Variants in PTPRD observed in about 807,000 individuals in gnomAD.
PTPRD encodes protein tyrosine phosphatase receptor type D, also known as receptor-type tyrosine-protein phosphatase delta.
In PTPRD, 34 loss-of-function variants were observed where a neutral mutation model predicts 214.5. The observed-to-expected ratio is 0.16, with a 90% CI of 0.12 to 0.21. PTPRD has a LOEUF of 0.21. Ranked by LOEUF, PTPRD falls within the 10% of genes least tolerant of loss-of-function variation. The pLI is 1.00. For missense variants in PTPRD, 2,545 were observed against 2,398.7 expected (o/e 1.06, Z -1.27); for synonymous variants, 1,128 against 845.7 (o/e 1.33, Z -5.79).
At chr9:10,523,670 G>A (rs1266122143) in intron 2 of PTPRD, among the ~76,000 whole-genome samples, 3 of 146,784 alleles carry the variant, frequency 2.0e-5, no homozygotes, top group Admixed American at 6.9e-5. Context: ...TAAAGAGAGA[G>A]AGAGAGAGAG....
chr9:8,632,964 T>G (rs548004708), intron 14 of PTPRD, among the ~76,000 whole-genome samples: 1 of 152,102 alleles, frequency 6.6e-6, no homozygotes, highest in Non-Finnish European at 1.5e-5. Flanking sequence ...GTAAAAAACG[T>G]AGCTGCTGAA....
intron 5 of PTPRD, among the ~76,000 whole-genome samples, chr9:9,769,203 G>T (rs1460998795): frequency 1.3e-5 from 2 of 151,784 alleles, no homozygotes; most frequent in Non-Finnish European, 2.9e-5. Flanking sequence ...AGCTTACAGG[G>T]TGGACGATAT....
At chr9:10,542,671 G>A (rs1288300242) in intron 2 of PTPRD, among the ~76,000 whole-genome samples, 1 of 151,846 alleles carries the variant, frequency 6.6e-6, no homozygotes, top group East Asian at 1.9e-4. Context: ...GTGAAATATT[G>A]TAGCTGGAAA....
intron 12 of PTPRD, among the ~76,000 whole-genome samples, chr9:8,683,064 C>T (rs538875819): frequency 3.3e-5 from 5 of 152,226 alleles, no homozygotes; most frequent in South Asian, 4.1e-4. Context: ...AATAGGTCCA[C>T]ATGATTTTCC....
intron 3 of PTPRD, among the ~76,000 whole-genome samples, chr9:10,298,726 G>A (rs1222492690): frequency 6.6e-6 from 1 of 151,768 alleles, no homozygotes; most frequent in African/African-American, 2.4e-5. Flanking sequence ...ATTTAGCACA[G>A]TCTGAAAGAC....
At chr9:9,787,155 T>A (rs1461881067) in intron 5 of PTPRD, among the ~76,000 whole-genome samples, 1 of 145,986 alleles carries the variant, frequency 6.8e-6, no homozygotes, top group African/African-American at 2.6e-5. Flanking sequence ...AAAAAAAAAA[T>A]ACATAAAAAT....
chr9:9,314,054 T>G (rs1960949704), intron 9 of PTPRD, among the ~76,000 whole-genome samples: 1 of 152,144 alleles, frequency 6.6e-6, no homozygotes, highest in African/African-American at 2.4e-5. Context: ...AATTGTTTAT[T>G]TCTCAACATT....
chr9:10,561,887 C>T (rs2064071720), intron 2 of PTPRD, among the ~76,000 whole-genome samples: 1 of 152,156 alleles, frequency 6.6e-6, no homozygotes, highest in South Asian at 2.1e-4. Context: ...ATAATAAAAT[C>T]CTCTGGCTTA....
chr9:8,605,411 C>T (rs1221170276), intron 14 of PTPRD, among the ~76,000 whole-genome samples: 1 of 152,144 alleles, frequency 6.6e-6, no homozygotes, highest in Admixed American at 6.5e-5. Context: ...CCATTTTCTA[C>T]CTCACCAAAA....
At chr9:8,476,662 A>C (rs1265751466) in intron 30 of PTPRD, among the ~76,000 whole-genome samples, 4 of 152,122 alleles carry the variant, frequency 2.6e-5, no homozygotes, top group African/African-American at 9.7e-5. Context: ...TTTCTTATAC[A>C]ACAAATTTAT....
intron 3 of PTPRD, among the ~76,000 whole-genome samples, chr9:10,331,573 T>G (rs1442124534): frequency 1.3e-5 from 2 of 151,802 alleles, no homozygotes; most frequent in Non-Finnish European, 2.9e-5. Context: ...CAGTCAGAGT[T>G]GCATCTGCTT....
intron 3 of PTPRD, among the ~76,000 whole-genome samples, chr9:10,176,524 C>T (rs1455768420): frequency 6.6e-6 from 1 of 151,888 alleles, no homozygotes; most frequent in Non-Finnish European, 1.5e-5. Flanking sequence ...TCCATGCAGG[C>T]AGAGATAAAT....
At position 8,437,288 on chromosome 9, in the gene PTPRD, C is replaced by CAAA. The variant is rs201564000; in HGVS notation, c.3989-602_3989-600dup. 2.2e-3 allele frequency: 2,908 copies of CAAA among 1,294,928 alleles called. 4 individuals are homozygous for CAAA. Among genetic ancestry groups the CAAA allele is most frequent in the South Asian group, 9.1e-3 (608 of 66,460 alleles). The allele number at this position is 1,294,928 out of a possible 1,614,324, so 80.2% of individuals were successfully genotyped here. On this transcript the variant is annotated intron_variant, in intron 34 of 45. Transcript: ENST00000381196. Reference sequence around the variant, plus strand: ...ATAAAATAAAATAGAACAAATTCTTCAAAAAAAAATGAAATGGAAAGCCTG... The same window carrying CAAA: ...ATAAAATAAAATAGAACAAATTCTTCAAAAAAAAAAAATGAAATGGAAAGCCTG...
chr9:10,130,790 G>A (rs1041329728), intron 3 of PTPRD, among the ~76,000 whole-genome samples: 1 of 152,118 alleles, frequency 6.6e-6, no homozygotes, highest in Non-Finnish European at 1.5e-5. Flanking sequence ...GTGCAGATAT[G>A]ATCATTTCCT....
intron 2 of PTPRD, among the ~76,000 whole-genome samples, chr9:10,562,418 T>C (rs538290473): frequency 5.3e-5 from 8 of 152,072 alleles, no homozygotes; most frequent in African/African-American, 1.7e-4. Context: ...CTGTTCTGTA[T>C]GTTTGTCTGT....
intron 2 of PTPRD, among the ~76,000 whole-genome samples, chr9:10,525,295 G>C (rs1439555068): frequency 6.6e-6 from 1 of 151,952 alleles, no homozygotes; most frequent in Non-Finnish European, 1.5e-5. Flanking sequence ...ATATATTTCA[G>C]ATAAAAGTCT....
chr9:9,045,717 T>A (rs1259191028), intron 10 of PTPRD, among the ~76,000 whole-genome samples: 1 of 152,194 alleles, frequency 6.6e-6, no homozygotes, highest in Non-Finnish European at 1.5e-5. Context: ...GTGAACACAT[T>A]GTCTTCCTGT....
Position 10,219,560 on chromosome 9 carries a change from G to C in PTPRD, c.-545+121403C>G, listed in dbSNP as rs146636356. Among the ~76,000 whole-genome samples the C allele has an allele frequency of 9.9e-4, 151 of 151,816 alleles. 5 individuals are homozygous for C. The East Asian group carries it at 0.027, about 27-fold the overall frequency. ...TTAACTCCTTCAGGGTAAAAAGTTG[G>C]GGGGAAAGGTCCCAGTAATTTGGAT... On this transcript the variant is annotated intron_variant, in intron 3 of 45. Transcript: ENST00000381196.
chr9:9,717,624 T>C (rs2097857317), intron 7 of PTPRD, among the ~76,000 whole-genome samples: 1 of 152,172 alleles, frequency 6.6e-6, no homozygotes, highest in Non-Finnish European at 1.5e-5. Flanking sequence ...AAAGATGTCT[T>C]ATGATTTCAG....
Sources: allele counts gnomAD v4.1 joint callset (sites outside exome capture counted in the v4.1 genomes callset), GRCh38; gene constraint gnomAD v4.1.1; transcripts MANE v1.5; gene names NCBI Gene and HGNC (gene_info 2026-07-23, HGNC 2026-07-21).